Variants in PCDH9 observed in about 807,000 individuals in gnomAD.
PCDH9 encodes protocadherin-9.
In PCDH9, 24 loss-of-function variants were observed where a neutral mutation model predicts 70.6. The observed-to-expected ratio is 0.34, with a 90% CI of 0.25 to 0.48. PCDH9 has a LOEUF of 0.48. Ranked by LOEUF, PCDH9 falls within the 20% of genes least tolerant of loss-of-function variation. The probability of loss-of-function intolerance (pLI) is 0.99; values close to 1 mark genes in which losing one functional copy is unlikely to be tolerated. For missense variants in PCDH9, 1,281 were observed against 1,503.6 expected (o/e 0.85, Z 2.45); for synonymous variants, 562 against 558.5 (o/e 1.01, Z -0.09).
chr13:66,814,016 G>A (rs2080558302), intron 3 of PCDH9, among the ~76,000 whole-genome samples: 1 of 152,150 alleles, frequency 6.6e-6, no homozygotes, highest in Admixed American at 6.5e-5. Context: ...TCACATTAAT[G>A]TGTAAATGTA....
chr13:66,920,231 T>C (rs1408921226), intron 2 of PCDH9, among the ~76,000 whole-genome samples: 1 of 151,182 alleles, frequency 6.6e-6, no homozygotes, highest in Non-Finnish European at 1.5e-5. Context: ...ATTTTTCCTA[T>C]GCATTTTTAA....
chr13:66,344,481 T>G (rs1956182959), intron 4 of PCDH9, among the ~76,000 whole-genome samples: 1 of 152,166 alleles, frequency 6.6e-6, no homozygotes, highest in African/African-American at 2.4e-5. Context: ...ATTGACATAT[T>G]AGTACAACCA....
chr13:66,447,128 C>T (rs542398664), intron 4 of PCDH9, among the ~76,000 whole-genome samples: 28 of 152,024 alleles, frequency 1.8e-4, no homozygotes, highest in South Asian at 1.7e-3. Flanking sequence ...TCTCTATTTA[C>T]GGTCGGAAAT....
At chr13:66,995,109 T>A (rs1566349313) in intron 2 of PCDH9, among the ~76,000 whole-genome samples, 1 of 152,116 alleles carries the variant, frequency 6.6e-6, no homozygotes. Context: ...CCCGGAAGGG[T>A]AATGCTAAGC....
intron 4 of PCDH9, among the ~76,000 whole-genome samples, chr13:66,342,823 T>C (rs1177294736): frequency 6.6e-6 from 1 of 151,398 alleles, no homozygotes; most frequent in African/African-American, 2.4e-5. Flanking sequence ...TATTTATTTA[T>C]TTATTAGAGA....
intron 4 of PCDH9, among the ~76,000 whole-genome samples, chr13:66,354,112 T>C (rs1379368783): frequency 6.6e-6 from 1 of 152,214 alleles, no homozygotes; most frequent in Non-Finnish European, 1.5e-5. Flanking sequence ...ACATGCTTTA[T>C]AAGCTTGGTT....
At chr13:66,955,446 C>T (rs1414217326) in intron 2 of PCDH9, among the ~76,000 whole-genome samples, 1 of 152,174 alleles carries the variant, frequency 6.6e-6, no homozygotes, top group South Asian at 2.1e-4. Flanking sequence ...TTATCAAGCA[C>T]ATATAATGCT....
At chr13:66,322,306 G>A (rs552271285) in intron 4 of PCDH9, among the ~76,000 whole-genome samples, 38 of 151,990 alleles carry the variant, frequency 2.5e-4, no homozygotes, top group Admixed American at 5.9e-4. Context: ...TATGATCACC[G>A]TGGTTGGGAT....
intron 2 of PCDH9, among the ~76,000 whole-genome samples, chr13:66,927,397 TAGG>T (rs1000734063): frequency 6.6e-6 from 1 of 151,500 alleles, no homozygotes; most frequent in African/African-American, 2.4e-5. Flanking sequence ...GGGTGGAGGA[TAGG>T]AGGAGGAGGA....
chr13:66,609,837 CAA>C (rs1332042589), intron 4 of PCDH9, among the ~76,000 whole-genome samples: 1 of 151,848 alleles, frequency 6.6e-6, no homozygotes, highest in African/African-American at 2.4e-5. Context: ...AAAATATACA[CAA>C]GTCTTTTTCC....
At chr13:66,625,385 C>A (rs113282377) in intron 4 of PCDH9, among the ~76,000 whole-genome samples, 1,872 of 152,116 alleles carry the variant, frequency 0.012, 38 homozygotes, top group African/African-American at 0.042. Flanking sequence ...CCTGTAAGAA[C>A]GGTATTTCAG....
At chr13:66,656,074 G>A (rs1037912879) in intron 3 of PCDH9, among the ~76,000 whole-genome samples, 23 of 151,906 alleles carry the variant, frequency 1.5e-4, no homozygotes, top group African/African-American at 5.3e-4. Context: ...GAAGGCAGGT[G>A]TGCCAGAAAA....
At chr13:66,456,815 A>G (rs543497229) in intron 4 of PCDH9, among the ~76,000 whole-genome samples, 1 of 152,084 alleles carries the variant, frequency 6.6e-6, no homozygotes, top group South Asian at 2.1e-4. Context: ...TTTGCTATGG[A>G]GTATGGTGAT....
At chr13:66,945,227 C>T (rs2083069912) in intron 2 of PCDH9, among the ~76,000 whole-genome samples, 1 of 151,908 alleles carries the variant, frequency 6.6e-6, no homozygotes, top group South Asian at 2.1e-4. Context: ...ATTCACAATT[C>T]CTTACTTTCC....
intron 3 of PCDH9, among the ~76,000 whole-genome samples, chr13:66,679,912 C>A (rs955438089): frequency 6.6e-5 from 10 of 152,026 alleles, no homozygotes; most frequent in Non-Finnish European, 1.2e-4. Context: ...GCAGATGATT[C>A]ATGGGAGAAA....
At chr13:67,168,751 A>G (rs887461974) in intron 2 of PCDH9, among the ~76,000 whole-genome samples, 2 of 152,174 alleles carry the variant, frequency 1.3e-5, no homozygotes, top group African/African-American at 4.8e-5. Flanking sequence ...AAATGTAGTA[A>G]CAAGAATACA....
intron 4 of PCDH9, among the ~76,000 whole-genome samples, chr13:66,532,121 G>A (rs1167268442): frequency 6.6e-6 from 1 of 151,904 alleles, no homozygotes; most frequent in African/African-American, 2.4e-5. Context: ...TAAATAGCTG[G>A]GACTAATTAC....
At chr13:66,983,240 A>C (rs1200405313) in intron 2 of PCDH9, among the ~76,000 whole-genome samples, 3 of 152,190 alleles carry the variant, frequency 2.0e-5, no homozygotes, top group Non-Finnish European at 4.4e-5. Flanking sequence ...TAGAAGTTAA[A>C]GAAGAAAAAT....
At chr13:67,188,939 C>T (rs370429600) in intron 2 of PCDH9, among the ~76,000 whole-genome samples, 14 of 152,098 alleles carry the variant, frequency 9.2e-5, no homozygotes, top group African/African-American at 3.4e-4. Flanking sequence ...TCACCCACTT[C>T]CCACCACCCT....
Sources: gnomAD v4.1 joint callset for allele counts (sites outside exome capture counted in the v4.1 genomes callset) on GRCh38, gnomAD v4.1.1 for gene constraint, MANE v1.5 for transcripts, NCBI Gene and HGNC (gene_info 2026-07-23, HGNC 2026-07-21) for gene names.